The following ZC3HAV1L variants were observed in gnomAD, a reference collection of about 807,000 sequenced individuals.
ZC3HAV1L encodes ZC3HAV1 like, also known as zinc finger CCCH-type antiviral protein 1-like.
A neutral mutation model predicts 28.2 loss-of-function variants in ZC3HAV1L; 23 were observed. That is an observed-to-expected ratio of 0.82 (90% CI 0.59 to 1.16). The LOEUF is 1.16. ZC3HAV1L is among the 50% of genes most tolerant of loss of function. ZC3HAV1L has a pLI of 0.00. For missense variants in ZC3HAV1L, 376 were observed against 387.7 expected, an observed-to-expected ratio of 0.97 and a Z score of 0.25; for synonymous variants, 180 against 163.4, an observed-to-expected ratio of 1.10 and a Z score of -0.78.
chr7:139,033,620 G>A, intron 2 of ZC3HAV1L: 1 of 690,962 alleles, frequency 1.4e-6, no homozygotes, highest in Non-Finnish European at 1.8e-6. Flanking sequence ...CCCATCAGCT[G>A]CTCACAAAAC....
chr7:139,028,975 A>G lies in ZC3HAV1L; in HGVS notation c.502-15T>C, dbSNP rs754748582. On this transcript the variant is annotated splice_polypyrimidine_tract_variant and intron_variant, in intron 2 of 4. Transcript: ENST00000275766. ...AGCAAACAGACCTGGTACAGAAATG[A>G]GGGAACACCTGAAATATTAGTTTTT... 4 of 1,600,644 alleles carry G rather than the reference A, an allele frequency of 2.5e-6. No homozygotes were observed. Among genetic ancestry groups the G allele is most frequent in the East Asian group, 2.2e-5 (1 of 44,646 alleles).
chr7:139,033,284 T>G (rs935070568), intron 2 of ZC3HAV1L, among the ~76,000 whole-genome samples: 1 of 152,238 alleles, frequency 6.6e-6, no homozygotes, highest in East Asian at 1.9e-4. Flanking sequence ...GCTTTTATTT[T>G]AAAAATTTTT....
chr7:139,028,730 C>T lies in ZC3HAV1L; in HGVS notation c.732G>A (p.Met244Ile), dbSNP rs17856272. The T allele has an allele frequency of 0.083, 134,746 of 1,613,972 alleles. 6,121 individuals are homozygous for T. Among genetic ancestry groups the T allele is most frequent in the Middle Eastern group, 0.097 (587 of 6,060 alleles). Reference sequence around the variant, plus strand: ...TATTTTCAAGCATCTTGTGCAGCTTCATATGCTTGTAGGTGGAGATTATCT... The same window carrying T: ...TATTTTCAAGCATCTTGTGCAGCTTTATATGCTTGTAGGTGGAGATTATCT... ...NFQIISTYKH[M>I]KLHKMLENTD... Residue 244 changes from methionine to isoleucine, a missense_variant, in exon 3 of 5, where the codon ATG (methionine) becomes ATA (isoleucine). Physicochemically the swap from Met to Ile is conservative, Grantham distance 10. Transcript: ENST00000275766.
chr7:139,031,347 G>C (rs1458330199), intron 2 of ZC3HAV1L, among the ~76,000 whole-genome samples: 1 of 152,194 alleles, frequency 6.6e-6, no homozygotes, highest in African/African-American at 2.4e-5. Flanking sequence ...CACTGTGGGA[G>C]GCCAAGGCAG....
At chr7:139,035,348 C>T (rs777885457) in intron 1 of ZC3HAV1L, 44 of 985,460 alleles carry the variant, frequency 4.5e-5, no homozygotes, top group Non-Finnish European at 5.3e-5. Flanking sequence ...TAAGTGAGCT[C>T]CGAAGTCCCA....
rs993398601 is a variant in ZC3HAV1L, at chr7:139,034,523, G to C, written c.501+20C>G. The C allele has an allele frequency of 2.5e-6, 4 of 1,612,680 alleles. No homozygotes were observed. The highest frequency in any genetic ancestry group is 2.2e-5 in the East Asian group (1 of 44,840). On this transcript the variant is annotated intron_variant, in intron 2 of 4. Coordinates refer to ENST00000275766, the MANE Select transcript of ZC3HAV1L (RefSeq NM_080660.4). ...TACTTGTAGCAAATGTGACATGAGGGTGACTCCTTGGTGACTCACCTCTGG... is the reference window on the plus strand; with the variant it reads ...TACTTGTAGCAAATGTGACATGAGGCTGACTCCTTGGTGACTCACCTCTGG...
Position 139,028,899 on chromosome 7 carries a change from C to A in ZC3HAV1L, c.563G>T (p.Cys188Phe), listed in dbSNP as rs1563114312. 1 of 1,614,172 alleles carries A rather than the reference C, an allele frequency of 6.2e-7. No individual in the cohort carries two copies. The highest frequency in any genetic ancestry group is 8.5e-7 in the Non-Finnish European group (1 of 1,180,034). The change falls in exon 3 of 5, where the codon TGC becomes TTC. Residue 188 changes from cysteine to phenylalanine, a missense_variant. Physicochemically the swap from Cys to Phe is radical, Grantham distance 205. Transcript: ENST00000275766. ...GGATTTGCACACATGAAACTTGTTG[C>A]ATTTATCCTTGAGGTTGCAGTAGCC... The part of the protein sequence containing the change: ...LYGYCNLKDK[C>F]NKFHVCKSFV...
intron 2 of ZC3HAV1L, among the ~76,000 whole-genome samples, chr7:139,030,535 A>G (rs1815494548): frequency 6.6e-6 from 1 of 151,888 alleles, no homozygotes; most frequent in African/African-American, 2.4e-5. Flanking sequence ...ACTCCATTTC[A>G]AAAATAAATA....
chr7:139,029,927 G>A (rs1215949060), intron 2 of ZC3HAV1L, among the ~76,000 whole-genome samples: 1 of 152,098 alleles, frequency 6.6e-6, no homozygotes, highest in African/African-American at 2.4e-5. Flanking sequence ...ACATTGATAG[G>A]GAACTTTATA....
chr7:139,028,380 AAAACAAAAAC>A (rs1815418309), intron 3 of ZC3HAV1L, among the ~76,000 whole-genome samples: 1 of 150,930 alleles, frequency 6.6e-6, no homozygotes, highest in African/African-American at 2.4e-5. Flanking sequence ...CTCAAAAAAA[AAAACAAAAAC>A]AAAACCTGTT....
chr7:139,030,687 C>T (rs1815499712), intron 2 of ZC3HAV1L, among the ~76,000 whole-genome samples: 1 of 150,848 alleles, frequency 6.6e-6, no homozygotes, highest in African/African-American at 2.4e-5. Context: ...ATTAGCCAGT[C>T]ATGGTGGCAC....
In ZC3HAV1L at chr7:139,031,005, T is replaced by C. The variant is rs115894519; in HGVS notation, c.502-2045A>G. Among the ~76,000 whole-genome samples, 843 of 152,288 alleles carry C rather than the reference T, an allele frequency of 5.5e-3. 7 individuals are homozygous for C. Among genetic ancestry groups the C allele is most frequent in the African/African-American group, 0.019 (787 of 41,550 alleles). Reference sequence around the variant, plus strand: ...CCTGGTTTAAAATGAAATAGCATCCTATTTATAATTGTGATGCCAATTTTC... The same window carrying C: ...CCTGGTTTAAAATGAAATAGCATCCCATTTATAATTGTGATGCCAATTTTC... On this transcript the variant is annotated intron_variant, in intron 2 of 4. Coordinates refer to ENST00000275766, the MANE Select transcript of ZC3HAV1L (RefSeq NM_080660.4).
intron 1 of ZC3HAV1L, 119 bp from the exon 2 acceptor site, chr7:139,034,797 A>C (rs1815648916): frequency 6.9e-7 from 1 of 1,459,482 alleles, no homozygotes; most frequent in African/African-American, 1.4e-5. Context: ...ATTTTCATGA[A>C]ACCGGGGATA....
chr7:139,028,200 C>T (rs1584818034), intron 3 of ZC3HAV1L, among the ~76,000 whole-genome samples: 2 of 151,964 alleles, frequency 1.3e-5, no homozygotes, highest in Admixed American at 1.3e-4. Flanking sequence ...TGGTGAAACC[C>T]CGCCTCGACT....
downstream of ZC3HAV1L, chr7:139,022,563 G>A (rs776764955): frequency 5.1e-6 from 1 of 195,340 alleles, no homozygotes; most frequent in Non-Finnish European, 1.1e-5. Flanking sequence ...GTCGGAGAAG[G>A]AGGAAAAACA....
Position 139,035,694 on chromosome 7 carries a change from G to A in ZC3HAV1L, c.324C>T (p.Cys108=), listed in dbSNP as rs773249595. ...ECQACDQLHF[C]RRHMLGKCPN... ...GGCACTTGCCCAGCATGTGCCGGCG[G>A]CAGAAGTGCAGCTGGTCGCAGGCCT... is the stretch of plus-strand genomic sequence containing the variant. Residue 108 remains cysteine, a synonymous_variant, in exon 1 of 5, where the codon TGC becomes TGT. Coordinates refer to ENST00000275766, the MANE Select transcript of ZC3HAV1L (RefSeq NM_080660.4). The A allele has an allele frequency of 3.6e-5, 54 of 1,479,820 alleles. No homozygotes were observed. Among genetic ancestry groups the A allele is most frequent in the Non-Finnish European group, 4.7e-5 (53 of 1,124,506 alleles). The allele number at this position is 1,479,820 out of a possible 1,614,324, so 91.7% of individuals were successfully genotyped here.
intron 2 of ZC3HAV1L, among the ~76,000 whole-genome samples, chr7:139,031,220 G>A (rs940759776): frequency 6.6e-6 from 1 of 152,132 alleles, no homozygotes; most frequent in Non-Finnish European, 1.5e-5. Flanking sequence ...GACCAAGGAT[G>A]GCAAATTGCT....
intron 2 of ZC3HAV1L, among the ~76,000 whole-genome samples, chr7:139,030,024 T>C (rs902307725): frequency 6.6e-6 from 1 of 152,228 alleles, no homozygotes; most frequent in Non-Finnish European, 1.5e-5. Flanking sequence ...CCTGATGTGA[T>C]GCAACAGAAA....
At chr7:139,031,992 T>C (rs1322418405) in intron 2 of ZC3HAV1L, among the ~76,000 whole-genome samples, 7 of 151,978 alleles carry the variant, frequency 4.6e-5, no homozygotes, top group Non-Finnish European at 8.8e-5. Context: ...CGAGGATTGC[T>C]TGAGCCCAGG....
Sources: allele counts gnomAD v4.1 joint callset (sites outside exome capture counted in the v4.1 genomes callset), GRCh38; gene constraint gnomAD v4.1.1; transcripts MANE v1.5; gene names NCBI Gene and HGNC (gene_info 2026-07-23, HGNC 2026-07-21).